Variants in VPS8 observed in about 807,000 individuals in gnomAD.
VPS8 encodes the protein VPS8 subunit of CORVET complex, also known as vacuolar protein sorting-associated protein 8 homolog.
Under a neutral mutation model 216.4 loss-of-function variants are expected in VPS8, and 129 were observed. That is an observed-to-expected ratio of 0.60 (90% CI 0.52 to 0.69). The LOEUF (loss-of-function observed/expected upper bound fraction) is 0.69. Among genes scored for constraint, VPS8 ranks in the 30% least tolerant of loss-of-function variants. VPS8 has a pLI of 0.00. For missense variants in VPS8, 1,531 were observed against 1,683.5 expected (o/e 0.91, Z 1.59); for synonymous variants, 571 against 565.4 (o/e 1.01, Z -0.14).
intron 42 of VPS8, among the ~76,000 whole-genome samples, chr3:184,985,693 C>G (rs1215334703): frequency 6.6e-6 from 1 of 152,196 alleles, no homozygotes. Context: ...AATCAGTGTG[C>G]TTTCCAGGAC....
chr3:184,949,008 A>G (rs1399898962), intron 36 of VPS8, among the ~76,000 whole-genome samples: 4 of 152,212 alleles, frequency 2.6e-5, no homozygotes. Flanking sequence ...AAATTTTATT[A>G]AAATTTGAAA....
At chr3:185,023,446 A>G (rs1756927048) in intron 45 of VPS8, among the ~76,000 whole-genome samples, 1 of 152,024 alleles carries the variant, frequency 6.6e-6, no homozygotes, top group Non-Finnish European at 1.5e-5. Context: ...TGTAATCCCA[A>G]CACTCTGGGA....
intron 8 of VPS8, among the ~76,000 whole-genome samples, chr3:184,848,222 A>G (rs1038227795): frequency 1.1e-4 from 16 of 152,184 alleles, no homozygotes; most frequent in African/African-American, 2.9e-4. Flanking sequence ...CACTTTTAGC[A>G]TATCAAATTT....
chr3:184,826,646 T>C (rs945938512), intron 3 of VPS8, among the ~76,000 whole-genome samples: 1 of 152,238 alleles, frequency 6.6e-6, no homozygotes, highest in African/African-American at 2.4e-5. Flanking sequence ...TTAAGTGAAT[T>C]GAGATGCAAA....
At chr3:184,920,721 A>G (rs543156901) in intron 29 of VPS8, among the ~76,000 whole-genome samples, 5 of 152,312 alleles carry the variant, frequency 3.3e-5, no homozygotes, top group East Asian at 3.9e-4. Context: ...AATGCAGGGA[A>G]AGGTTCTTTG....
At chr3:184,853,774 G>C in intron 11 of VPS8, 83 bp from the exon 12 acceptor site, 1 of 1,413,418 alleles carries the variant, frequency 7.1e-7, no homozygotes, top group Non-Finnish European at 9.7e-7. Context: ...GGAGGTAGGA[G>C]GCTATGAAAG....
At chr3:184,965,034 C>A (rs1747156957) in intron 38 of VPS8, among the ~76,000 whole-genome samples, 1 of 152,156 alleles carries the variant, frequency 6.6e-6, no homozygotes, top group African/African-American at 2.4e-5. Context: ...AGCAGCTATG[C>A]CACTTTACAT....
intron 21 of VPS8, chr3:184,882,275 C>T: frequency 4.9e-6 from 2 of 410,976 alleles, no homozygotes; most frequent in South Asian, 3.6e-5. Context: ...AGAGGGTTTT[C>T]ATGAATGGAT....
chr3:184,834,568 T>G, intron 4 of VPS8, 81 bp from the exon 5 acceptor site: 3 of 1,055,976 alleles, frequency 2.8e-6, no homozygotes, highest in Non-Finnish European at 4.0e-6. Context: ...TTTGTGCGTG[T>G]GTGTTTTCTT....
intron 36 of VPS8, among the ~76,000 whole-genome samples, chr3:184,942,181 A>G (rs1292094837): frequency 1.3e-5 from 2 of 152,342 alleles, no homozygotes; most frequent in East Asian, 3.9e-4. Flanking sequence ...GCATATCACA[A>G]GTATCAAAGG....
intron 15 of VPS8, among the ~76,000 whole-genome samples, chr3:184,862,567 CAG>C (rs1412943356): frequency 6.6e-6 from 1 of 152,116 alleles, no homozygotes; most frequent in Non-Finnish European, 1.5e-5. Flanking sequence ...ACTAGAAATG[CAG>C]AGTTTGTCAT....
At chr3:185,029,569 T>C (rs76807610) in intron 46 of VPS8, among the ~76,000 whole-genome samples, 1 of 145,634 alleles carries the variant, frequency 6.9e-6, no homozygotes, top group South Asian at 2.1e-4. Context: ...ACATGTATCT[T>C]TTTTTTTTTT....
At chr3:185,020,595 C>T (rs1756509553) in intron 45 of VPS8, among the ~76,000 whole-genome samples, 1 of 152,116 alleles carries the variant, frequency 6.6e-6, no homozygotes, top group Non-Finnish European at 1.5e-5. Flanking sequence ...CTCACCCTCC[C>T]AAGTAACTGA....
At chr3:184,987,676 T>G (rs1751319798) in intron 42 of VPS8, among the ~76,000 whole-genome samples, 1 of 152,212 alleles carries the variant, frequency 6.6e-6, no homozygotes, top group Admixed American at 6.5e-5. Context: ...AAATTTTCAG[T>G]AAAACAGCTA....
chr3:185,040,776 C>A (rs1577256288), intron 46 of VPS8, among the ~76,000 whole-genome samples: 1 of 152,192 alleles, frequency 6.6e-6, no homozygotes, highest in Admixed American at 6.5e-5. Context: ...CATGCACATA[C>A]CCTTGGTTTC....
In VPS8 at chr3:184,900,892, TG is replaced by T. The variant is rs1321437094; in HGVS notation, c.2095-28del. On this transcript the variant is annotated intron_variant, in intron 24 of 47. Transcript: ENST00000625842. ...TAAATAATATCATTTGAGATGATGA[TG>T]ATTGTTTTCCTATTAATTTTAATGC... 1.9e-6 allele frequency: 3 copies of T among 1,576,192 alleles called. No individual in the cohort carries two copies. In the African/African-American group the frequency reaches 4.1e-5, roughly 22 times the overall value.
intron 22 of VPS8, among the ~76,000 whole-genome samples, chr3:184,890,737 T>C (rs1732184295): frequency 6.6e-6 from 1 of 152,162 alleles, no homozygotes; most frequent in Non-Finnish European, 1.5e-5. Flanking sequence ...TGGACATCTT[T>C]CTTGGTTAAA....
chr3:185,039,722 G>A (rs1311053377), intron 46 of VPS8, among the ~76,000 whole-genome samples: 1 of 152,026 alleles, frequency 6.6e-6, no homozygotes, highest in African/African-American at 2.4e-5. Context: ...AGGGATGCAT[G>A]TTTATCTCTG....
chr3:184,921,236 A>G (rs769752358), intron 29 of VPS8, among the ~76,000 whole-genome samples: 1 of 152,208 alleles, frequency 6.6e-6, no homozygotes, highest in African/African-American at 2.4e-5. Flanking sequence ...TTTTTCTCAT[A>G]GAAGTCTGGA....
Sources: gnomAD v4.1 joint callset for allele counts (sites outside exome capture counted in the v4.1 genomes callset) on GRCh38, gnomAD v4.1.1 for gene constraint, MANE v1.5 for transcripts, NCBI Gene and HGNC (gene_info 2026-07-23, HGNC 2026-07-21) for gene names.